The following NRXN3 variants were observed in gnomAD, a reference collection of about 807,000 sequenced individuals.
NRXN3 encodes neurexin III.
A neutral mutation model predicts 137.6 loss-of-function variants in NRXN3; 32 were observed. That is an observed-to-expected ratio of 0.23 (90% confidence interval 0.18 to 0.31). The LOEUF (loss-of-function observed/expected upper bound fraction) is 0.31. Among genes scored for constraint, NRXN3 ranks in the 10% least tolerant of loss-of-function variants. The probability of loss-of-function intolerance (pLI) is 1.00; values close to 1 mark genes in which losing one functional copy is unlikely to be tolerated. For synonymous variants in NRXN3, 798 were observed against 784.5 expected (o/e 1.02, Z -0.29); for missense variants, 1,574 against 2,062.5 (o/e 0.76, Z 4.59).
chr14:78,686,405 A>G (rs2098126244), intron 6 of NRXN3, among the ~76,000 whole-genome samples: 1 of 152,230 alleles, frequency 6.6e-6, no homozygotes, highest in African/African-American at 2.4e-5. Context: ...CTGCCAAGAC[A>G]GCATCTCACT....
chr14:79,333,072 T>C (rs1273007544), intron 15 of NRXN3, among the ~76,000 whole-genome samples: 1 of 152,124 alleles, frequency 6.6e-6, no homozygotes, highest in East Asian at 1.9e-4. Context: ...GAAAATACCA[T>C]GCAGCGCTTT....
At chr14:78,495,312 C>T (rs2095758588) in intron 4 of NRXN3, among the ~76,000 whole-genome samples, 1 of 151,720 alleles carries the variant, frequency 6.6e-6, no homozygotes. Flanking sequence ...TAATCATGGC[C>T]AATTTTACCT....
chr14:78,869,318 T>C (rs2099095638), intron 10 of NRXN3, among the ~76,000 whole-genome samples: 1 of 152,188 alleles, frequency 6.6e-6, no homozygotes, highest in Non-Finnish European at 1.5e-5. Flanking sequence ...TATCTTTACT[T>C]ATAATAGGCT....
chr14:79,080,496 CTT>C (rs35742640), intron 15 of NRXN3, among the ~76,000 whole-genome samples: 6,593 of 152,236 alleles, frequency 0.043, 510 homozygotes, highest in African/African-American at 0.15. Context: ...CCCACACACA[CTT>C]TTCCCCCAGA....
At chr14:78,696,147 CAAAGAATCTTAA>C (rs1287361356) in intron 6 of NRXN3, among the ~76,000 whole-genome samples, 7 of 151,974 alleles carry the variant, frequency 4.6e-5, no homozygotes, top group African/African-American at 1.7e-4. Context: ...GAAGTGTGAT[CAAAGAATCTTAA>C]AAGTGTGATC....
At chr14:79,527,286 T>C in intron 16 of NRXN3, among the ~76,000 whole-genome samples, 1 of 104,834 alleles carries the variant, frequency 9.5e-6, no homozygotes. Flanking sequence ...AGAGTGAGAC[T>C]CTGTCTCAAA....
At chr14:79,161,584 C>T (rs146658290) in intron 15 of NRXN3, among the ~76,000 whole-genome samples, 115 of 152,042 alleles carry the variant, frequency 7.6e-4, no homozygotes, top group African/African-American at 2.6e-3. Context: ...TATGCTAAAG[C>T]GTGTTCAGTA....
intron 15 of NRXN3, among the ~76,000 whole-genome samples, chr14:79,242,024 G>A (rs569248732): frequency 6.6e-5 from 10 of 151,762 alleles, no homozygotes; most frequent in Admixed American, 2.0e-4. Context: ...CAGAGATCAC[G>A]CCACTGCACT....
chr14:78,286,557 G>T (rs990968281), intron 3 of NRXN3, among the ~76,000 whole-genome samples: 2 of 152,140 alleles, frequency 1.3e-5, no homozygotes, highest in Non-Finnish European at 2.9e-5. Flanking sequence ...TGAGGAGGTG[G>T]AATGCAGCTG....
chr14:79,698,060 C>G (rs2098741624), intron 19 of NRXN3, 123 bp downstream of exon 19: 2 of 877,940 alleles, frequency 2.3e-6, no homozygotes, highest in Non-Finnish European at 3.4e-6. Context: ...CTGGCAGATA[C>G]TCATAGTAAT....
At chr14:79,139,598 G>C (rs971380840) in intron 15 of NRXN3, among the ~76,000 whole-genome samples, 1 of 152,108 alleles carries the variant, frequency 6.6e-6, no homozygotes, top group Non-Finnish European at 1.5e-5. Context: ...CTTGCTGCGA[G>C]TGTGTCACTA....
intron 19 of NRXN3, among the ~76,000 whole-genome samples, chr14:79,787,863 A>G (rs1285258342): frequency 6.6e-6 from 1 of 152,178 alleles, no homozygotes; most frequent in Admixed American, 6.5e-5. Context: ...TATGTCCCTG[A>G]TACCTCCAAA....
chr14:78,488,233 C>T (rs565421028), intron 4 of NRXN3, among the ~76,000 whole-genome samples: 20 of 152,310 alleles, frequency 1.3e-4, no homozygotes, highest in African/African-American at 4.6e-4. Context: ...TTAATCACCT[C>T]TTTAAAAATC....
intron 6 of NRXN3, chr14:78,698,212 T>G (rs1041218277): frequency 1.4e-4 from 22 of 152,102 alleles, no homozygotes; most frequent in African/African-American, 4.1e-4. Flanking sequence ...ACTGCTTCTG[T>G]CACCTGGATT....
chr14:78,820,901 A>G lies in NRXN3; in HGVS notation c.2275+10557A>G, dbSNP rs573388203. Among the ~76,000 whole-genome samples the G allele has an allele frequency of 8.5e-5, 13 of 152,342 alleles. No individual in the cohort carries two copies. The East Asian group carries it at 1.9e-3, about 23-fold the overall frequency. ...ATGGTTATGAACTCAGGATCCTCCA[A>G]TAGGCCTGCTGGGGCACATTTCTTT... On this transcript the variant is annotated intron_variant, in intron 10 of 20. Coordinates refer to ENST00000335750, the MANE Select transcript of NRXN3 (RefSeq NM_001330195.2).
At chr14:79,081,986 T>A (rs2047105660) in intron 15 of NRXN3, among the ~76,000 whole-genome samples, 1 of 152,030 alleles carries the variant, frequency 6.6e-6, no homozygotes, top group South Asian at 2.1e-4. Context: ...GGATTTGAAT[T>A]TAATGTTCAA....
chr14:78,832,109 G>T (rs1013025234), intron 10 of NRXN3, among the ~76,000 whole-genome samples: 2 of 151,532 alleles, frequency 1.3e-5, no homozygotes, highest in African/African-American at 2.4e-5. Flanking sequence ...TTTCAAAAAC[G>T]AATGGAACTC....
chr14:78,589,880 C>A (rs118052017), intron 4 of NRXN3, among the ~76,000 whole-genome samples: 1 of 152,158 alleles, frequency 6.6e-6, no homozygotes, highest in African/African-American at 2.4e-5. Flanking sequence ...ATTGCTTGAA[C>A]CCAGGAGGCG....
chr14:79,029,966 C>T (rs2099604687), intron 15 of NRXN3, among the ~76,000 whole-genome samples: 1 of 151,668 alleles, frequency 6.6e-6, no homozygotes, highest in South Asian at 2.1e-4. Context: ...ACTGTCTTAG[C>T]CCCCCCAAGT....
Sources: allele counts gnomAD v4.1 joint callset (sites outside exome capture counted in the v4.1 genomes callset), GRCh38; gene constraint gnomAD v4.1.1; transcripts MANE v1.5; gene names NCBI Gene and HGNC (gene_info 2026-07-23, HGNC 2026-07-21).